The following LDLRAD3 variants were observed in gnomAD, a reference collection of about 807,000 sequenced individuals.
The protein encoded by LDLRAD3 is low density lipoprotein receptor class A domain containing 3, also known as low-density lipoprotein receptor class A domain-containing protein 3.
A neutral mutation model predicts 29.4 loss-of-function variants in LDLRAD3; 20 were observed. The observed-to-expected ratio is 0.68, with a 90% CI of 0.48 to 0.99. The LOEUF (loss-of-function observed/expected upper bound fraction) is 0.99, where lower values mean the gene tolerates loss of function less well. LDLRAD3 is among the 50% of genes least tolerant of loss of function. The probability of loss-of-function intolerance (pLI) is 0.00; values close to 1 mark genes in which losing one functional copy is unlikely to be tolerated. For missense variants in LDLRAD3, 420 were observed against 454.3 expected (o/e 0.92, Z 0.69); for synonymous variants, 157 against 192.7 (o/e 0.81, Z 1.53).
At chr11:36,104,137 C>G (rs1426184171) in intron 4 of LDLRAD3, among the ~76,000 whole-genome samples, 1 of 152,200 alleles carries the variant, frequency 6.6e-6, no homozygotes, top group African/African-American at 2.4e-5. Flanking sequence ...ACTCTTGAGG[C>G]AAGCCAGCTG....
intron 2 of LDLRAD3, among the ~76,000 whole-genome samples, chr11:36,065,342 G>A (rs957832412): frequency 1.3e-5 from 2 of 152,092 alleles, no homozygotes; most frequent in African/African-American, 4.8e-5. Flanking sequence ...ATACTCTCCT[G>A]ATTTCAAATA....
chr11:36,088,496 T>G (rs1262109871), intron 3 of LDLRAD3, among the ~76,000 whole-genome samples: 1 of 152,206 alleles, frequency 6.6e-6, no homozygotes, highest in Non-Finnish European at 1.5e-5. Context: ...GACAAATTCT[T>G]GCCTGAATTC....
intron 3 of LDLRAD3, among the ~76,000 whole-genome samples, chr11:36,083,705 C>T (rs899331359): frequency 4.0e-5 from 6 of 150,028 alleles, no homozygotes; most frequent in Non-Finnish European, 4.4e-5. Flanking sequence ...TCCTGCTGTC[C>T]ATGGGGATCT....
chr11:35,948,594 T>TA (rs1263952188), intron 1 of LDLRAD3, among the ~76,000 whole-genome samples: 1 of 152,206 alleles, frequency 6.6e-6, no homozygotes, highest in African/African-American at 2.4e-5. Flanking sequence ...GTACTTTTGA[T>TA]ATGCCGTATT....
At chr11:36,154,667 C>T (rs1224385702) in intron 4 of LDLRAD3, among the ~76,000 whole-genome samples, 1 of 152,206 alleles carries the variant, frequency 6.6e-6, no homozygotes, top group Non-Finnish European at 1.5e-5. Flanking sequence ...TCAGAACCTG[C>T]AGCTGCAGTC....
At chr11:36,001,548 C>T (rs1299309125) in intron 1 of LDLRAD3, among the ~76,000 whole-genome samples, 2 of 152,120 alleles carry the variant, frequency 1.3e-5, no homozygotes, top group African/African-American at 2.4e-5. Flanking sequence ...AGAATCAAAG[C>T]TCAACCTACT....
chr11:36,180,608 G>A (rs956510475), intron 4 of LDLRAD3, among the ~76,000 whole-genome samples: 4 of 152,128 alleles, frequency 2.6e-5, no homozygotes, highest in African/African-American at 4.8e-5. Flanking sequence ...GACACGGAGC[G>A]CATGGACAGT....
At chr11:36,167,760 G>A (rs1029990990) in intron 4 of LDLRAD3, among the ~76,000 whole-genome samples, 8 of 152,160 alleles carry the variant, frequency 5.3e-5, no homozygotes, top group Admixed American at 5.2e-4. Flanking sequence ...TTCATGCCAC[G>A]CAGTTCATGG....
chr11:36,184,560 T>G (rs1057458482), intron 4 of LDLRAD3, among the ~76,000 whole-genome samples: 6 of 152,308 alleles, frequency 3.9e-5, no homozygotes, highest in African/African-American at 1.4e-4. Flanking sequence ...AAAGATGCCT[T>G]TCTCCAGAGA....
At chr11:36,133,207 C>CTTTTTTTTTTTTTT (rs60402803) in intron 4 of LDLRAD3, among the ~76,000 whole-genome samples, 11 of 146,514 alleles carry the variant, frequency 7.5e-5, no homozygotes, top group Admixed American at 6.7e-5. Context: ...TTTCTTTTTT[C>CTTTTTTTTTTTTTT]TTTTTTTTAG....
At chr11:36,135,550 C>T (rs542492970) in intron 4 of LDLRAD3, among the ~76,000 whole-genome samples, 1 of 152,152 alleles carries the variant, frequency 6.6e-6, no homozygotes, top group Non-Finnish European at 1.5e-5. Flanking sequence ...ATGAAAAACC[C>T]CAGGTAAAAT....
chr11:36,129,014 A>G (rs970295911), intron 4 of LDLRAD3, among the ~76,000 whole-genome samples: 1 of 152,136 alleles, frequency 6.6e-6, no homozygotes, highest in Non-Finnish European at 1.5e-5. Flanking sequence ...GAAATGGACA[A>G]AGTCAAGAGA....
chr11:36,150,528 T>C (rs1369220064), intron 4 of LDLRAD3, among the ~76,000 whole-genome samples: 2 of 150,502 alleles, frequency 1.3e-5, no homozygotes, highest in African/African-American at 4.9e-5. Flanking sequence ...ACCTTGTCTC[T>C]TTAAAAAAAA....
chr11:35,996,308 T>C (rs555518420), intron 1 of LDLRAD3, among the ~76,000 whole-genome samples: 1 of 152,254 alleles, frequency 6.6e-6, no homozygotes, highest in African/African-American at 2.4e-5. Context: ...GGTAAAGAAA[T>C]TGGGGAACGG....
intron 4 of LDLRAD3, among the ~76,000 whole-genome samples, chr11:36,173,455 C>T (rs1263415279): frequency 7.3e-5 from 11 of 150,916 alleles, no homozygotes; most frequent in Admixed American, 5.3e-4. Context: ...TTTGTCCCTG[C>T]GATAGTTTGC....
At position 36,165,412 on chromosome 11, in the gene LDLRAD3, T is replaced by C. The variant is rs115340536; in HGVS notation, c.455-61673T>C. On this transcript the variant is annotated intron_variant, in intron 4 of 5. Coordinates refer to ENST00000315571, the MANE Select transcript of LDLRAD3 (RefSeq NM_174902.4). The stretch of plus-strand genomic sequence containing the variant: ...AGATTACCGTAAGATTTATATGAGG[T>C]ATGAACACCTTTAGGGCCCATTACA... Among the ~76,000 whole-genome samples, 445 of 152,220 alleles carry C rather than the reference T, an allele frequency of 2.9e-3. 3 individuals are homozygous for C. The highest frequency in any genetic ancestry group is 0.01 in the African/African-American group (427 of 41,514).
At chr11:36,040,621 A>T (rs909651344) in intron 2 of LDLRAD3, among the ~76,000 whole-genome samples, 1 of 152,200 alleles carries the variant, frequency 6.6e-6, no homozygotes, top group South Asian at 2.1e-4. Flanking sequence ...TATGGGAAAC[A>T]GTGCTCACTT....
chr11:36,080,680 T>C (rs1175507642), intron 2 of LDLRAD3, among the ~76,000 whole-genome samples: 1 of 152,214 alleles, frequency 6.6e-6, no homozygotes, highest in Admixed American at 6.5e-5. Flanking sequence ...GGACTCAGTA[T>C]ATGATCATAC....
intron 4 of LDLRAD3, among the ~76,000 whole-genome samples, chr11:36,185,477 ACAATAAATG>A (rs1854834316): frequency 6.6e-6 from 1 of 152,180 alleles, no homozygotes; most frequent in Non-Finnish European, 1.5e-5. Context: ...GTGCCTCTAG[ACAATAAATG>A]CAGTTTGAGG....
Sources: allele counts gnomAD v4.1 joint callset (sites outside exome capture counted in the v4.1 genomes callset), GRCh38; gene constraint gnomAD v4.1.1; transcripts MANE v1.5; gene names NCBI Gene and HGNC (gene_info 2026-07-23, HGNC 2026-07-21).